The following PAH variants were observed in gnomAD, a reference collection of about 807,000 sequenced individuals.
PAH encodes phenylalanine hydroxylase, also known as phenylalanine-4-hydroxylase.
Under a neutral mutation model 62.0 loss-of-function variants are expected in PAH, and 64 were observed. The ratio of observed to expected loss-of-function variants is 1.03; its 90% CI spans 0.84 to 1.27. PAH has a LOEUF of 1.27. PAH is among the 50% of genes most tolerant of loss of function. PAH has a pLI of 0.00. For missense variants in PAH, 579 were observed against 542.8 expected (o/e 1.07, Z -0.66); for synonymous variants, 195 against 196.2 (o/e 0.99, Z 0.05).
At chr12:102,902,937 G>A (rs1291323839) in intron 2 of PAH, among the ~76,000 whole-genome samples, 1 of 152,234 alleles carries the variant, frequency 6.6e-6, no homozygotes, top group African/African-American at 2.4e-5. Context: ...TAACTCAGGG[G>A]AGACTCCTTG....
intron 3 of PAH, among the ~76,000 whole-genome samples, chr12:102,886,772 C>T (rs1391611969): frequency 6.6e-6 from 1 of 152,230 alleles, no homozygotes; most frequent in Non-Finnish European, 1.5e-5. Context: ...ATGTATTATG[C>T]CATGTAGCCA....
chr12:102,867,030 G>A (rs943440273), intron 4 of PAH, among the ~76,000 whole-genome samples: 2 of 152,216 alleles, frequency 1.3e-5, no homozygotes, highest in African/African-American at 4.8e-5. Flanking sequence ...ATTAAGGTTT[G>A]TGTCTAGCTC....
At chr12:102,915,437 C>G (rs1384959242) in intron 1 of PAH, among the ~76,000 whole-genome samples, 3 of 152,152 alleles carry the variant, frequency 2.0e-5, no homozygotes, top group African/African-American at 7.2e-5. Context: ...ACTCAGGCTC[C>G]TAATTATCAA....
chr12:102,842,156 G>T (rs1431866651), intron 11 of PAH, among the ~76,000 whole-genome samples: 1 of 152,124 alleles, frequency 6.6e-6, no homozygotes, highest in African/African-American at 2.4e-5. Context: ...TTAGAGAGTT[G>T]TCTCCAGGAG....
intron 1 of PAH, among the ~76,000 whole-genome samples, chr12:102,940,629 A>C (rs959409203): frequency 6.6e-6 from 1 of 152,250 alleles, no homozygotes; most frequent in African/African-American, 2.4e-5. Context: ...AAGGAAAAAC[A>C]AAATTTTTAA....
intron 2 of PAH, chr12:102,904,752 T>C: frequency 2.0e-6 from 1 of 512,818 alleles, no homozygotes; most frequent in South Asian, 1.4e-5. Flanking sequence ...CGTATTTTCA[T>C]CTATGGCTTG....
intron 1 of PAH, among the ~76,000 whole-genome samples, chr12:102,924,495 A>G (rs1878633410): frequency 6.6e-6 from 1 of 152,204 alleles, no homozygotes; most frequent in South Asian, 2.1e-4. Context: ...TCAAGGATAT[A>G]TGCACAGCAA....
Position 102,870,841 on chromosome 12 carries a change from G to A in PAH, c.442-4178C>T, listed in dbSNP as rs1338669437. Among the ~76,000 whole-genome samples, 16 of 152,126 alleles carry A rather than the reference G, an allele frequency of 1.1e-4. No individual in the cohort carries two copies. In the South Asian group the frequency reaches 1.2e-3, roughly 12 times the overall value. On this transcript the variant is annotated intron_variant, in intron 4 of 12. Transcript: ENST00000553106. The stretch of plus-strand genomic sequence containing the variant: ...GCAAACAGTAGACTAGGGGAGCACC[G>A]ACCATGCCCAATCCCTTTGCTCACC...
intron 11 of PAH, among the ~76,000 whole-genome samples, chr12:102,842,987 G>C (rs1005977833): frequency 6.6e-6 from 1 of 152,118 alleles, no homozygotes; most frequent in Non-Finnish European, 1.5e-5. Context: ...TGCACTCAGA[G>C]GGCCAACAGT....
chr12:102,874,871 G>A (rs1876498321), intron 4 of PAH, among the ~76,000 whole-genome samples: 1 of 152,166 alleles, frequency 6.6e-6, no homozygotes, highest in Non-Finnish European at 1.5e-5. Flanking sequence ...CCTGATGAGA[G>A]ATATTGGGTC....
chr12:102,872,561 A>G (rs1876390764), intron 4 of PAH, among the ~76,000 whole-genome samples: 1 of 152,192 alleles, frequency 6.6e-6, no homozygotes, highest in African/African-American at 2.4e-5. Context: ...GGCAAAAGGA[A>G]GAGAAAAGGA....
intron 3 of PAH, among the ~76,000 whole-genome samples, chr12:102,888,093 A>C (rs1565863764): frequency 6.6e-6 from 1 of 152,094 alleles, no homozygotes; most frequent in African/African-American, 2.4e-5. Flanking sequence ...CCTAAGATTC[A>C]TTGTGTACCC....
upstream of PAH, among the ~76,000 whole-genome samples, chr12:102,951,814 G>A (rs187964636): frequency 3.0e-3 from 424 of 141,960 alleles, no homozygotes; most frequent in Non-Finnish European, 4.6e-3. Flanking sequence ...TCTCATTTGA[G>A]TCTGTTTTAT....
At chr12:102,887,127 A>G (rs1463454123) in intron 3 of PAH, among the ~76,000 whole-genome samples, 2 of 152,090 alleles carry the variant, frequency 1.3e-5, no homozygotes, top group African/African-American at 4.8e-5. Context: ...AAGAGAGGCT[A>G]TTGGTTTTGA....
rs62507321 is a variant in PAH, at chr12:102,877,457, C to A, written c.441+5G>T. On this transcript the variant is annotated splice_donor_5th_base_variant and intron_variant, in intron 4 of 12. Coordinates refer to ENST00000553106, the MANE Select transcript of PAH (RefSeq NM_000277.3). The stretch of plus-strand genomic sequence containing the variant: ...AAAATCTCATCCTACGGGCCATGGA[C>A]TCACAGGGTGGTCAGCATCCAGTTC... 2.2e-5 allele frequency: 36 copies of A among 1,610,312 alleles called. No homozygotes were observed. Among genetic ancestry groups the A allele is most frequent in the Middle Eastern group, 3.3e-4 (2 of 6,082 alleles).
intron 2 of PAH, among the ~76,000 whole-genome samples, chr12:102,897,473 A>G (rs964370270): frequency 6.6e-5 from 9 of 136,126 alleles, no homozygotes; most frequent in African/African-American, 2.8e-4. Flanking sequence ...GTGTATATAT[A>G]TATATATATA....
intron 5 of PAH, among the ~76,000 whole-genome samples, chr12:102,857,316 T>G (rs989464784): frequency 2.0e-5 from 3 of 152,246 alleles, no homozygotes; most frequent in African/African-American, 4.8e-5. Context: ...AGAAATATGG[T>G]ACTATGTGAA....
chr12:102,891,735 C>G (rs967891779), intron 3 of PAH, among the ~76,000 whole-genome samples: 1 of 152,090 alleles, frequency 6.6e-6, no homozygotes, highest in Non-Finnish European at 1.5e-5. Flanking sequence ...CTTAACTCCC[C>G]CTCAATGTCC....
chr12:102,874,537 G>A (rs1157804187), intron 4 of PAH, among the ~76,000 whole-genome samples: 1 of 152,130 alleles, frequency 6.6e-6, no homozygotes, highest in East Asian at 1.9e-4. Context: ...CCCTCATACG[G>A]TGGTGATAAT....
Sources: allele counts gnomAD v4.1 joint callset (sites outside exome capture counted in the v4.1 genomes callset), GRCh38; gene constraint gnomAD v4.1.1; transcripts MANE v1.5; gene names NCBI Gene and HGNC (gene_info 2026-07-23, HGNC 2026-07-21).